The following MYBL2 variants were observed in gnomAD, a reference collection of about 807,000 sequenced individuals.
MYBL2 encodes MYB proto-oncogene like 2, also known as myb-related protein B.
Under a neutral mutation model 79.9 loss-of-function variants are expected in MYBL2, and 28 were observed. The observed-to-expected ratio is 0.35, with a 90% CI of 0.26 to 0.48. MYBL2 has a LOEUF of 0.48. Among genes scored for constraint, MYBL2 ranks in the 20% least tolerant of loss-of-function variants. MYBL2 has a pLI of 0.99. For missense variants in MYBL2, 735 were observed against 893.9 expected, an observed-to-expected ratio of 0.82 and a Z score of 2.27; for synonymous variants, 378 against 361.2, an observed-to-expected ratio of 1.05 and a Z score of -0.53.
chr20:43,693,793 G>A (rs904956276), intron 6 of MYBL2, among the ~76,000 whole-genome samples: 1 of 152,168 alleles, frequency 6.6e-6, no homozygotes, highest in Admixed American at 6.5e-5. Flanking sequence ...GCTAACATCT[G>A]TAATCCCAGC....
At chr20:43,700,268 C>T (rs763133456) in intron 7 of MYBL2, among the ~76,000 whole-genome samples, 7 of 152,150 alleles carry the variant, frequency 4.6e-5, no homozygotes, top group Non-Finnish European at 1.0e-4. Flanking sequence ...TTTGTGGTGG[C>T]ATCTGACCTC....
chr20:43,690,322 C>G (rs1276086819), intron 5 of MYBL2, among the ~76,000 whole-genome samples: 1 of 152,092 alleles, frequency 6.6e-6, no homozygotes. Context: ...TCTCCTGCCT[C>G]AGCCTCCTGA....
intron 2 of MYBL2, among the ~76,000 whole-genome samples, chr20:43,679,351 T>C (rs554036437): frequency 6.6e-6 from 1 of 152,364 alleles, no homozygotes; most frequent in African/African-American, 2.4e-5. Flanking sequence ...CACCTCACTT[T>C]AAATTTATCC....
chr20:43,698,683 T>C (rs1310604610), intron 6 of MYBL2, among the ~76,000 whole-genome samples: 7 of 132,200 alleles, frequency 5.3e-5, no homozygotes, highest in African/African-American at 1.3e-4. Context: ...TTTTTTTTTT[T>C]AAATGAGCAG....
chr20:43,668,273 T>C (rs569640821), intron 1 of MYBL2, among the ~76,000 whole-genome samples: 2 of 144,118 alleles, frequency 1.4e-5, no homozygotes, highest in Non-Finnish European at 3.0e-5. Flanking sequence ...CGATCTTGGC[T>C]CACTGCAACC....
In MYBL2 at chr20:43,709,949, C is replaced by T. The variant is rs1568879113; in HGVS notation, c.1506-14C>T. On this transcript the variant is annotated splice_polypyrimidine_tract_variant and intron_variant, in intron 9 of 13. Transcript: ENST00000217026. ...CTATCCTGTCACTAGTTCCCCCGTTCTGGCCCCTGGCAGGTTTGTAACCCC... is the reference window on the plus strand; with the variant it reads ...CTATCCTGTCACTAGTTCCCCCGTTTTGGCCCCTGGCAGGTTTGTAACCCC... 1 of 1,592,932 alleles carries T rather than the reference C, an allele frequency of 6.3e-7. No individual in the cohort carries two copies.
At chr20:43,706,733 T>TTTTTTTTA (rs1987793274) in intron 9 of MYBL2, among the ~76,000 whole-genome samples, 4 of 136,982 alleles carry the variant, frequency 2.9e-5, no homozygotes, top group Non-Finnish European at 3.1e-5. Flanking sequence ...TTTTTTTTTT[T>TTTTTTTTA]GAGATGGAGT....
chr20:43,682,599 G>A (rs552561284), intron 3 of MYBL2, among the ~76,000 whole-genome samples, 195 bp from the exon 4 acceptor site: 28 of 152,318 alleles, frequency 1.8e-4, no homozygotes, highest in African/African-American at 5.3e-4. Context: ...TTGCCCTCTC[G>A]TGTAGCAAAG....
At chr20:43,672,072 G>A (rs1196394561) in intron 1 of MYBL2, among the ~76,000 whole-genome samples, 2 of 151,980 alleles carry the variant, frequency 1.3e-5, no homozygotes, top group Non-Finnish European at 2.9e-5. Context: ...TTAGCCGGGC[G>A]CGGTGGCAGG....
chr20:43,682,126 T>C (rs2145714200), intron 3 of MYBL2, among the ~76,000 whole-genome samples: 1 of 152,354 alleles, frequency 6.6e-6, no homozygotes, highest in African/African-American at 2.4e-5. Context: ...CATATTTGCA[T>C]TTCTTCCTGT....
chr20:43,709,954 C>T lies in MYBL2; in HGVS notation c.1506-9C>T, dbSNP rs759143273. On this transcript the variant is annotated splice_polypyrimidine_tract_variant and intron_variant, in intron 9 of 13. Transcript: ENST00000217026. The stretch of plus-strand genomic sequence containing the variant: ...CTGTCACTAGTTCCCCCGTTCTGGC[C>T]CCTGGCAGGTTTGTAACCCCAGATC... The T allele has an allele frequency of 6.3e-7, 1 of 1,599,782 alleles. No individual in the cohort carries two copies. Among genetic ancestry groups the T allele is most frequent in the East Asian group, 2.3e-5 (1 of 44,396 alleles).
At chr20:43,677,509 C>T (rs1987038808) in intron 2 of MYBL2, among the ~76,000 whole-genome samples, 1 of 152,204 alleles carries the variant, frequency 6.6e-6, no homozygotes, top group Admixed American at 6.5e-5. Flanking sequence ...GTGGGTAAGT[C>T]AGATCAGGAA....
intron 13 of MYBL2, 142 bp from the exon 14 acceptor site, chr20:43,715,816 AG>A: frequency 2.5e-6 from 3 of 1,184,482 alleles, no homozygotes; most frequent in Non-Finnish European, 3.5e-6. Flanking sequence ...CCAGGGTCAC[AG>A]GGAATGTGGA....
intron 4 of MYBL2, among the ~76,000 whole-genome samples, chr20:43,686,224 C>T (rs144562918): frequency 5.9e-4 from 90 of 152,230 alleles, no homozygotes; most frequent in African/African-American, 2.1e-3. Context: ...CACATGAGAA[C>T]GCGTGTGTCT....
chr20:43,672,210 CAA>C (rs1342949541), intron 1 of MYBL2, among the ~76,000 whole-genome samples: 4 of 17,966 alleles, frequency 2.2e-4, no homozygotes, highest in Non-Finnish European at 3.1e-4. Context: ...AACTCCGTCT[CAA>C]AAAAAAAAAA....
chr20:43,701,399 C>A (rs1019222911), intron 7 of MYBL2, among the ~76,000 whole-genome samples: 3 of 152,182 alleles, frequency 2.0e-5, no homozygotes, highest in Non-Finnish European at 4.4e-5. Context: ...CCCAGGGAAC[C>A]AGAACTCGGC....
intron 2 of MYBL2, among the ~76,000 whole-genome samples, chr20:43,674,224 T>TGC (rs1555809907): frequency 3.4e-5 from 2 of 58,206 alleles, no homozygotes; most frequent in Non-Finnish European, 6.9e-5. Context: ...AATCTGTAAC[T>TGC]CCCCCCACCC....
At chr20:43,670,421 A>G (rs1247516010) in intron 1 of MYBL2, among the ~76,000 whole-genome samples, 1 of 152,054 alleles carries the variant, frequency 6.6e-6, no homozygotes, top group Non-Finnish European at 1.5e-5. Flanking sequence ...CTCCTTTCCT[A>G]TTTCTGAAAA....
intron 2 of MYBL2, among the ~76,000 whole-genome samples, chr20:43,676,503 C>T (rs1987013065): frequency 6.6e-6 from 1 of 152,214 alleles, no homozygotes; most frequent in Admixed American, 6.5e-5. Flanking sequence ...GATTCAGTAA[C>T]TTGTCCTTTT....
Sources: gnomAD v4.1 joint callset for allele counts (sites outside exome capture counted in the v4.1 genomes callset) on GRCh38, gnomAD v4.1.1 for gene constraint, MANE v1.5 for transcripts, NCBI Gene and HGNC (gene_info 2026-07-23, HGNC 2026-07-21) for gene names.